Variants in SPAG17 observed in about 807,000 individuals in gnomAD.
The protein encoded by SPAG17 is sperm associated antigen 17.
SPAG17 carries 169 observed loss-of-function variants against 273.6 expected under a neutral mutation model. That is an observed-to-expected ratio of 0.62 (90% confidence interval 0.55 to 0.70). The LOEUF is 0.70. SPAG17 is among the 30% of genes least tolerant of loss of function. The pLI is 0.00. For missense variants in SPAG17, 2,557 were observed against 2,627.8 expected, an observed-to-expected ratio of 0.97 and a Z score of 0.59; for synonymous variants, 825 against 873.2, an observed-to-expected ratio of 0.94 and a Z score of 0.97.
At chr1:118,060,849 C>T (rs1235746467) in intron 18 of SPAG17, among the ~76,000 whole-genome samples, 3 of 152,034 alleles carry the variant, frequency 2.0e-5, no homozygotes, top group East Asian at 1.9e-4. Flanking sequence ...TTCCTGAATT[C>T]GTCATGTTCC....
intron 30 of SPAG17, among the ~76,000 whole-genome samples, chr1:118,010,377 A>G (rs1461267889): frequency 1.3e-5 from 2 of 152,170 alleles, no homozygotes; most frequent in African/African-American, 4.8e-5. Flanking sequence ...ACATAGACCA[A>G]TGGAACAGAA....
chr1:118,126,152 G>A (rs974115218), intron 3 of SPAG17, among the ~76,000 whole-genome samples: 3 of 140,060 alleles, frequency 2.1e-5, no homozygotes, highest in Non-Finnish European at 4.6e-5. Flanking sequence ...TCATCTAGCT[G>A]TTGCCACTTA....
intron 24 of SPAG17, among the ~76,000 whole-genome samples, chr1:118,035,321 A>G (rs2101899580): frequency 6.6e-6 from 1 of 152,328 alleles, no homozygotes; most frequent in South Asian, 2.1e-4. Context: ...CAAGATTAAT[A>G]AAATCACTCA....
At chr1:117,988,368 A>G (rs1656676186) in intron 38 of SPAG17, among the ~76,000 whole-genome samples, 164 bp from the exon 39 acceptor site, 6 of 152,226 alleles carry the variant, frequency 3.9e-5, no homozygotes, top group Admixed American at 3.9e-4. Context: ...ACAGAAAACT[A>G]GACTACTTTT....
In SPAG17 at chr1:118,139,074, A is replaced by G. The variant is rs138552825; in HGVS notation, c.315+11469T>C. On this transcript the variant is annotated intron_variant, in intron 3 of 48. Coordinates refer to ENST00000336338, the MANE Select transcript of SPAG17 (RefSeq NM_206996.4). ...TCCAAAATATATAAAAGGCCCAGAC[A>G]ACTCAATAACAAGAAAACAAAAAAG... Among the ~76,000 whole-genome samples the G allele has an allele frequency of 1.3e-3, 195 of 152,280 alleles. 2 individuals carry two copies. Among genetic ancestry groups the G allele is most frequent in the African/African-American group, 4.5e-3 (186 of 41,572 alleles).
rs368527126 is a variant in SPAG17 at position 118,081,636 on chromosome 1, A to G, written c.1769T>C (p.Leu590Ser). 2.1e-4 allele frequency: 337 copies of G among 1,612,694 alleles called. No homozygotes were observed. Among genetic ancestry groups the G allele is most frequent in the Non-Finnish European group, 2.7e-4 (320 of 1,178,964 alleles). The stretch of plus-strand genomic sequence containing the variant: ...GGCTCGTTCTACTTCATTCCAGCTC[A>G]AGACATCTGTAAGAAAGCAGAACCA... ...ELMHFCTSDV[L>S]SWNEVERAFK... Residue 590 changes from leucine to serine, a missense_variant, in exon 14 of 49, where the codon TTG (leucine) becomes TCG (serine). Transcript: ENST00000336338.
intron 25 of SPAG17, among the ~76,000 whole-genome samples, chr1:118,030,026 C>T (rs982798888): frequency 1.3e-5 from 2 of 152,126 alleles, no homozygotes; most frequent in African/African-American, 4.8e-5. Context: ...TCATCCTCAC[C>T]CTTCCATTAT....
At chr1:117,954,198 A>G (rs1343571233) in intron 48 of SPAG17, 149 bp from the exon 49 acceptor site, 10 of 964,264 alleles carry the variant, frequency 1.0e-5, no homozygotes, top group Non-Finnish European at 1.5e-5. Flanking sequence ...AGGATATGCA[A>G]TAAATGGAAT....
In SPAG17 at chr1:117,985,243, G is replaced by C. The variant is rs141954145; in HGVS notation, c.5670-461C>G. ...GTGAATAATGTGGTCAGTGGTTATA[G>C]AGTTAAAGAAAAGCAATCAGGATAG... On this transcript the variant is annotated intron_variant, in intron 40 of 48. Coordinates refer to ENST00000336338, the MANE Select transcript of SPAG17 (RefSeq NM_206996.4). Among the ~76,000 whole-genome samples the C allele has an allele frequency of 1.8e-4, 27 of 152,278 alleles. No homozygotes were observed. The East Asian group carries it at 2.5e-3, about 14-fold the overall frequency.
intron 5 of SPAG17, among the ~76,000 whole-genome samples, chr1:118,100,580 A>T (rs959494912): frequency 1.3e-5 from 2 of 152,194 alleles, no homozygotes; most frequent in Non-Finnish European, 2.9e-5. Context: ...TTTTTAAGTT[A>T]TGACTTTTCT....
intron 24 of SPAG17, 40 bp from the exon 25 acceptor site, chr1:118,031,907 T>A: frequency 6.8e-7 from 1 of 1,464,656 alleles, no homozygotes; most frequent in South Asian, 1.3e-5. Flanking sequence ...GATTCAACAT[T>A]CATATTTGAT....
chr1:118,020,042 GA>G (rs1409973348), intron 28 of SPAG17, among the ~76,000 whole-genome samples: 6 of 152,142 alleles, frequency 3.9e-5, no homozygotes, highest in African/African-American at 7.2e-5. Context: ...TATAAGTGTG[GA>G]AAAAGTTATA....
chr1:118,005,790 T>C (rs1423130031), intron 31 of SPAG17, among the ~76,000 whole-genome samples, 188 bp from the exon 32 acceptor site: 10 of 152,192 alleles, frequency 6.6e-5, no homozygotes, highest in Non-Finnish European at 1.5e-5. Context: ...GCAAACTGAA[T>C]AGTTAGGATA....
Position 118,083,131 on chromosome 1 carries a change from A to G in SPAG17, c.1763-1489T>C, listed in dbSNP as rs143920856. ...TGCCACCACACCCGGCTAATTTTGTATTTTTTGTAGAGATGGGTTTTGCCA... is the reference window on the plus strand; with the variant it reads ...TGCCACCACACCCGGCTAATTTTGTGTTTTTTGTAGAGATGGGTTTTGCCA... On this transcript the variant is annotated intron_variant, in intron 13 of 48. Coordinates refer to ENST00000336338, the MANE Select transcript of SPAG17 (RefSeq NM_206996.4). 1.4e-4 allele frequency among the ~76,000 whole-genome samples: 21 copies of G among 151,964 alleles called. No homozygotes were observed. The East Asian group carries it at 4.1e-3, about 29-fold the overall frequency.
rs1318030023 is a variant in SPAG17 at position 118,151,307 on chromosome 1, G to A, written c.150C>T (p.Ile50=). The A allele has an allele frequency of 1.2e-6, 2 of 1,613,548 alleles. No homozygotes were observed. Among genetic ancestry groups the A allele is most frequent in the South Asian group, 1.1e-5 (1 of 90,988 alleles). The change falls in exon 2 of 49, where the codon ATC becomes ATT. Residue 50 remains isoleucine, a synonymous_variant. Transcript: ENST00000336338. ...VGNQIEDDLL[I]QALTVAVQVP... ...CCTGGACAGCCACGGTAAGGGCTTG[G>A]ATGAGAAGATCATCTTCAATCTGGT... is the stretch of plus-strand genomic sequence containing the variant.
chr1:118,062,097 GT>G (rs377639991), intron 18 of SPAG17, among the ~76,000 whole-genome samples: 4,283 of 152,226 alleles, frequency 0.028, 100 homozygotes, highest in South Asian at 0.07. Flanking sequence ...GCCGGGTGCG[GT>G]GGCTCATGCC....
intron 3 of SPAG17, among the ~76,000 whole-genome samples, chr1:118,133,198 C>A (rs1480633153): frequency 6.6e-6 from 1 of 151,998 alleles, no homozygotes; most frequent in African/African-American, 2.4e-5. Flanking sequence ...AGCACAAGTG[C>A]TCAAAAATGA....
At chr1:118,008,279 G>A in intron 30 of SPAG17, 81 bp from the exon 31 acceptor site, 2 of 1,500,934 alleles carry the variant, frequency 1.3e-6, no homozygotes, top group Non-Finnish European at 1.8e-6. Context: ...TTTTGCTGCT[G>A]TTTCCTGGCT....
chr1:117,954,170 GATTT>G, intron 48 of SPAG17, 121 bp from the exon 49 acceptor site: 1 of 1,332,740 alleles, frequency 7.5e-7, no homozygotes, highest in Non-Finnish European at 1.0e-6. Flanking sequence ...ATTGTTTTGG[GATTT>G]ATTAACTAAG....
Sources: allele counts gnomAD v4.1 joint callset (sites outside exome capture counted in the v4.1 genomes callset), GRCh38; gene constraint gnomAD v4.1.1; transcripts MANE v1.5; gene names NCBI Gene and HGNC (gene_info 2026-07-23, HGNC 2026-07-21).